Variants in TRPM1 observed in about 807,000 individuals in gnomAD.
The protein encoded by TRPM1 is TRPM1-203 APA Isoform, Intron 10.
Under a neutral mutation model 149.4 loss-of-function variants are expected in TRPM1, and 113 were observed. The observed-to-expected ratio is 0.76, with a 90% CI of 0.65 to 0.88. The LOEUF (loss-of-function observed/expected upper bound fraction) is 0.88. TRPM1 is among the 40% of genes least tolerant of loss of function. TRPM1 has a pLI of 0.00. For missense variants in TRPM1, 1,976 were observed against 2,038.7 expected (o/e 0.97, Z 0.59); for synonymous variants, 741 against 759.5 (o/e 0.98, Z 0.40).
At chr15:31,095,979 A>G (rs28676696) in intron 1 of TRPM1, among the ~76,000 whole-genome samples, 56,472 of 151,514 alleles carry the variant, frequency 0.37, 10,776 homozygotes, top group African/African-American at 0.44. Flanking sequence ...ATGGGAGGTG[A>G]AGGTTGCAGT....
chr15:31,033,400 G>A (rs1255912807), intron 21 of TRPM1, among the ~76,000 whole-genome samples: 2 of 152,218 alleles, frequency 1.3e-5, no homozygotes, highest in Non-Finnish European at 2.9e-5. Flanking sequence ...TTAGACATGA[G>A]AAATTAGGGG....
intron 1 of TRPM1, among the ~76,000 whole-genome samples, chr15:31,131,623 C>G (rs1188442172): frequency 6.6e-6 from 1 of 152,148 alleles, no homozygotes; most frequent in Non-Finnish European, 1.5e-5. Flanking sequence ...TCAGGCATCC[C>G]CTGTGGATGA....
intron 1 of TRPM1, among the ~76,000 whole-genome samples, chr15:31,111,066 A>G (rs1003567135): frequency 5.9e-5 from 9 of 152,084 alleles, no homozygotes; most frequent in Admixed American, 2.0e-4. Context: ...TACTCTCTAC[A>G]ATGAAAATAA....
chr15:31,075,880 A>AG (rs2034674305), intron 3 of TRPM1, among the ~76,000 whole-genome samples: 1 of 145,612 alleles, frequency 6.9e-6, no homozygotes, highest in Non-Finnish European at 1.5e-5. Context: ...TTTTCATTCT[A>AG]GTTTTTTTTT....
At chr15:31,047,306 T>C in intron 14 of TRPM1, 55 bp from the exon 15 acceptor site, 1 of 1,605,878 alleles carries the variant, frequency 6.2e-7, no homozygotes, top group South Asian at 1.1e-5. Context: ...AGTGTGGACT[T>C]CATCACACGT....
Position 31,070,094 on chromosome 15 carries a change from G to A in TRPM1, c.216C>T (p.Ser72=). ...GAACTCCATAGGAATCTGTTGGGTA[G>A]CTCTGGGTGTGCTTGGCAACAGACC... is the stretch of plus-strand genomic sequence containing the variant. The part of the protein sequence containing the change: ...EKWSVAKHTQ[S]YPTDSYGVLE... Residue 72 remains serine (S), a synonymous_variant, in exon 4 of 28, where the codon AGC becomes AGT. Coordinates refer to ENST00000256552, the MANE Select transcript of TRPM1 (RefSeq NM_001252024.2). The A allele has an allele frequency of 6.2e-7, 1 of 1,614,170 alleles. No homozygotes were observed. Among genetic ancestry groups the A allele is most frequent in the Non-Finnish European group, 8.5e-7 (1 of 1,180,036 alleles).
intron 1 of TRPM1, among the ~76,000 whole-genome samples, chr15:31,156,732 G>A (rs942755553): frequency 3.3e-5 from 5 of 152,086 alleles, no homozygotes; most frequent in Non-Finnish European, 7.4e-5. Flanking sequence ...GCATGTTCTC[G>A]GGACCTCTTG....
In TRPM1 at chr15:31,038,061, T is replaced by C. The variant is rs1427584582; in HGVS notation, c.2422A>G (p.Lys808Glu). 7.4e-6 allele frequency: 12 copies of C among 1,614,112 alleles called. No homozygotes were observed. The highest frequency in any genetic ancestry group is 9.3e-6 in the Non-Finnish European group (11 of 1,180,042). Residue 808 changes from lysine to glutamate, a missense_variant, in exon 19 of 28, where the codon AAA becomes GAA. Physicochemically the swap from Lys to Glu is moderately conservative, Grantham distance 56 (BLOSUM62 1). Coordinates refer to ENST00000256552, the MANE Select transcript of TRPM1 (RefSeq NM_001252024.2). Reference sequence around the variant, plus strand: ...TCACTGACCGTATTTTCCTCTTCTTTTTCTTTGCCATCCTCATTTTCCTTG... The same window carrying C: ...TCACTGACCGTATTTTCCTCTTCTTCTTCTTTGCCATCCTCATTTTCCTTG... ...TSKENEDGKE[K>E]EEENTDANAD...
At chr15:31,141,529 T>C (rs2036162410) in intron 1 of TRPM1, among the ~76,000 whole-genome samples, 1 of 152,078 alleles carries the variant, frequency 6.6e-6, no homozygotes, top group African/African-American at 2.4e-5. Flanking sequence ...AACCAGTAAG[T>C]AGGAGAAAGT....
At chr15:31,067,323 A>G (rs2034406251) in intron 5 of TRPM1, 136 bp from the exon 6 acceptor site, 2 of 1,291,772 alleles carry the variant, frequency 1.5e-6, no homozygotes, top group Non-Finnish European at 2.2e-6. Flanking sequence ...CTTTATCATT[A>G]AAACAAAGTA....
chr15:31,081,451 A>C lies in TRPM1; in HGVS notation c.-83-13T>G. 6.6e-7 allele frequency: 1 copy of C among 1,514,880 alleles called. No homozygotes were observed. The highest frequency in any genetic ancestry group is 2.5e-5 in the East Asian group (1 of 40,816). 93.8% of individuals were successfully genotyped at this position (1,514,880 alleles called of 1,614,324 possible). A position where few individuals can be genotyped will look rare whatever the true frequency, so the allele number is the denominator to read the frequency against. ...AATCTTCTAGAACCTACGAGGATAA[A>C]CAAGAGGAGTAAGAGTCACTTTGCC... On this transcript the variant is annotated splice_polypyrimidine_tract_variant and intron_variant, in intron 1 of 27. Transcript: ENST00000256552.
At chr15:31,071,079 C>A (rs976032426) in intron 3 of TRPM1, among the ~76,000 whole-genome samples, 3 of 152,206 alleles carry the variant, frequency 2.0e-5, no homozygotes, top group African/African-American at 7.2e-5. Flanking sequence ...CTAGTCTTCT[C>A]TGAACATGTT....
intron 16 of TRPM1, among the ~76,000 whole-genome samples, chr15:31,043,467 TAGCCATG>T (rs1284372975): frequency 6.6e-6 from 1 of 152,030 alleles, no homozygotes; most frequent in Non-Finnish European, 1.5e-5. Flanking sequence ...GCTGGGATTG[TAGCCATG>T]AGCCACCACG....
At chr15:31,066,694 A>G (rs560630711) in intron 6 of TRPM1, among the ~76,000 whole-genome samples, 1 of 152,310 alleles carries the variant, frequency 6.6e-6, no homozygotes, top group Non-Finnish European at 1.5e-5. Flanking sequence ...AAAAAAGCCA[A>G]TCCCCAAAGG....
intron 1 of TRPM1, among the ~76,000 whole-genome samples, chr15:31,118,874 G>T (rs977062352): frequency 6.8e-6 from 1 of 147,782 alleles, no homozygotes; most frequent in African/African-American, 2.6e-5. Context: ...ATCACATTGG[G>T]ATTAGGGTTT....
chr15:31,071,878 C>T (rs12593124), intron 3 of TRPM1, among the ~76,000 whole-genome samples: 3 of 148,722 alleles, frequency 2.0e-5, no homozygotes, highest in Non-Finnish European at 4.4e-5. Context: ...GCAGGAGAAT[C>T]GTTTGAACCC....
At chr15:31,071,489 C>T (rs11633683) in intron 3 of TRPM1, among the ~76,000 whole-genome samples, 20,433 of 152,110 alleles carry the variant, frequency 0.13, 1,812 homozygotes, top group Middle Eastern at 0.2. Context: ...GGGCTTCCTC[C>T]CTGCCTTGTC....
intron 1 of TRPM1, among the ~76,000 whole-genome samples, chr15:31,122,632 G>A (rs1301001366): frequency 6.6e-6 from 1 of 152,078 alleles, no homozygotes; most frequent in Non-Finnish European, 1.5e-5. Flanking sequence ...ATATGTCCAA[G>A]ATAAACATGA....
chr15:31,141,522 C>T (rs891829521), intron 1 of TRPM1, among the ~76,000 whole-genome samples: 9 of 151,882 alleles, frequency 5.9e-5, no homozygotes, highest in Admixed American at 2.0e-4. Context: ...AGACAGAAAC[C>T]AGTAAGTAGG....
Sources: allele counts gnomAD v4.1 joint callset (sites outside exome capture counted in the v4.1 genomes callset), GRCh38; gene constraint gnomAD v4.1.1; transcripts MANE v1.5; gene names NCBI Gene and HGNC (gene_info 2026-07-23, HGNC 2026-07-21).